SRP68: variants seen among roughly 807,000 people sequenced by gnomAD.
The protein encoded by SRP68 is signal recognition particle subunit SRP68.
In SRP68, 15 loss-of-function variants were observed where a neutral mutation model predicts 82.2. The ratio of observed to expected loss-of-function variants is 0.18; its 90% confidence interval spans 0.12 to 0.28. The LOEUF is 0.28. SRP68 is among the 10% of genes least tolerant of loss of function. The pLI is 1.00. For synonymous variants in SRP68, 261 were observed against 292.6 expected, an observed-to-expected ratio of 0.89 and a Z score of 1.10; for missense variants, 595 against 780.5, an observed-to-expected ratio of 0.76 and a Z score of 2.83.
intron 13 of SRP68, among the ~76,000 whole-genome samples, chr17:76,042,625 C>T (rs1049221427): frequency 6.6e-6 from 1 of 151,962 alleles, no homozygotes; most frequent in Non-Finnish European, 1.5e-5. Context: ...TGCTCTGTCA[C>T]TCAGGCTGGA....
intron 11 of SRP68, 117 bp downstream of exon 11, chr17:76,045,921 G>T (rs578167049): frequency 3.9e-6 from 5 of 1,269,170 alleles, no homozygotes; most frequent in African/African-American, 3.0e-5. Context: ...TCTCTTCCCA[G>T]CTACTAATAG....
At chr17:76,062,752 T>C (rs1171051746) in intron 4 of SRP68, among the ~76,000 whole-genome samples, 1 of 74,410 alleles carries the variant, frequency 1.3e-5, no homozygotes, top group Non-Finnish European at 2.3e-5. Flanking sequence ...TATATATATA[T>C]ATATATATAT....
Position 76,067,065 on chromosome 17 carries a change from A to G in SRP68, c.365+152T>C. Reference sequence around the variant, plus strand: ...TTGAACAACCTAATGTATCTCTTTGAGCCTCAGTTTCCTTGCCTTAGAACA... The same window carrying G: ...TTGAACAACCTAATGTATCTCTTTGGGCCTCAGTTTCCTTGCCTTAGAACA... On this transcript the variant is annotated intron_variant, in intron 3 of 15. Transcript: ENST00000307877. The G allele has an allele frequency of 1.6e-5, 10 of 611,024 alleles. No homozygotes were observed. The South Asian group carries it at 1.9e-4, about 11-fold the overall frequency. The allele number at this position is 611,024 out of a possible 1,614,324, so 37.9% of individuals were successfully genotyped here. A position where few individuals can be genotyped will look rare whatever the true frequency, so the allele number is the denominator to read the frequency against.
At chr17:76,040,864 G>C in intron 14 of SRP68, 39 bp downstream of exon 14, 1 of 1,589,752 alleles carries the variant, frequency 6.3e-7, no homozygotes, top group Non-Finnish European at 8.6e-7. Context: ...GTGGCAGGAA[G>C]GGAAGTCTGG....
At chr17:76,049,576 C>T (rs2066656844) in intron 9 of SRP68, 1 of 152,146 alleles carries the variant, frequency 6.6e-6, no homozygotes, top group African/African-American at 2.4e-5. Flanking sequence ...TGTACACCAG[C>T]TCAAGTCTGA....
chr17:76,050,780 G>T, intron 8 of SRP68, among the ~76,000 whole-genome samples: 1 of 128,126 alleles, frequency 7.8e-6, no homozygotes, highest in Admixed American at 9.0e-5. Flanking sequence ...CTGCATAACT[G>T]ATCTGAGACT....
rs191570774 is a variant in SRP68, at chr17:76,071,408, A to T, written c.184+900T>A. 6.6e-6 allele frequency among the ~76,000 whole-genome samples: 1 copy of T among 152,306 alleles called. No individual in the cohort carries two copies. Among genetic ancestry groups the T allele is most frequent in the East Asian group, 1.9e-4 (1 of 5,184 alleles). Reference sequence around the variant, plus strand: ...CTTCATCTATATAGGTATAGTTTTAATGTTTCCTCAACACTTCTCTAGAGA... The same window carrying T: ...CTTCATCTATATAGGTATAGTTTTATTGTTTCCTCAACACTTCTCTAGAGA... On this transcript the variant is annotated intron_variant, in intron 1 of 15. Coordinates refer to ENST00000307877, the MANE Select transcript of SRP68 (RefSeq NM_014230.4). This position sits in a 1 kb window ranked among gnomAD's most constrained non-coding sequence, Gnocchi z 4.7.
rs749076072 is a variant in SRP68, at chr17:76,046,202, GCAC to G, written c.1143-11_1143-9del. On this transcript the variant is annotated splice_polypyrimidine_tract_variant and intron_variant, in intron 10 of 15. Coordinates refer to ENST00000307877, the MANE Select transcript of SRP68 (RefSeq NM_014230.4). ...TTGATGTAAGTCAGGTAGCTGGAAT[GCAC>G]CACAAGTCAGCTCAAGTTATACTCA... 7 of 1,613,472 alleles carry G rather than the reference GCAC, an allele frequency of 4.3e-6. No individual in the cohort carries two copies. The highest frequency in any genetic ancestry group is 1.3e-5 in the African/African-American group (1 of 74,884).
At chr17:76,062,487 T>TATATATATATA (rs1443614428) in intron 4 of SRP68, among the ~76,000 whole-genome samples, 2 of 110,490 alleles carry the variant, frequency 1.8e-5, no homozygotes, top group Non-Finnish European at 1.7e-5. Context: ...AATATGGAGA[T>TATATATATATA]ATATATATAT....
chr17:76,069,012 A>T (rs574755123), intron 2 of SRP68, among the ~76,000 whole-genome samples: 11 of 148,084 alleles, frequency 7.4e-5, no homozygotes, highest in East Asian at 5.9e-4. Context: ...TAAATAAATA[A>T]ATATATATAT....
intron 8 of SRP68, among the ~76,000 whole-genome samples, chr17:76,053,943 A>G (rs1489453480): frequency 6.6e-6 from 1 of 152,218 alleles, no homozygotes; most frequent in Non-Finnish European, 1.5e-5. Context: ...TCCGCCAGCC[A>G]CTGGACCAAC....
intron 7 of SRP68, among the ~76,000 whole-genome samples, chr17:76,059,424 C>A (rs2066735087): frequency 6.6e-6 from 1 of 152,018 alleles, no homozygotes; most frequent in South Asian, 2.1e-4. Context: ...CGCCTGTAAT[C>A]CCAGCTACTT....
chr17:76,040,205 A>G (rs1839488568), intron 15 of SRP68, among the ~76,000 whole-genome samples: 1 of 152,012 alleles, frequency 6.6e-6, no homozygotes, highest in African/African-American at 2.4e-5. Flanking sequence ...CACGGGTGCT[A>G]CTCTTTACAG....
Position 76,061,554 on chromosome 17 carries a change from T to C in SRP68, c.582A>G (p.Ser194=). Residue 194 remains serine, a synonymous_variant, in exon 5 of 16, where the codon TCA becomes TCG. Transcript: ENST00000307877. The part of the protein sequence containing the change: ...LEAQAYTAYL[S]GMLRFEHQEW... ...CTTGATGTTCAAAACGTAGCATTCC[T>C]GAGAGGTAAGCTGTGTAAGCCTGTG... 6.2e-7 allele frequency: 1 copy of C among 1,614,068 alleles called. No individual in the cohort carries two copies. The highest frequency in any genetic ancestry group is 8.5e-7 in the Non-Finnish European group (1 of 1,179,932).
At chr17:76,047,722 G>A (rs1297865301) in intron 10 of SRP68, among the ~76,000 whole-genome samples, 184 bp downstream of exon 10, 1 of 151,548 alleles carries the variant, frequency 6.6e-6, no homozygotes, top group African/African-American at 2.4e-5. Context: ...CCAGGCCATT[G>A]AGGCTGCAGT....
rs560518350 is a variant in SRP68 at position 76,038,994 on chromosome 17, G to T, written c.*712C>A. The T allele has an allele frequency of 4.6e-5, 8 of 172,698 alleles. No individual in the cohort carries two copies. In the East Asian group the frequency reaches 1.2e-3, roughly 26 times the overall value. The allele number at this position is 172,698 out of a possible 1,614,324, so 10.7% of individuals were successfully genotyped here. On this transcript the variant is annotated 3_prime_UTR_variant, in exon 16 of 16. Transcript: ENST00000307877. Reference sequence around the variant, plus strand: ...GTGTATCTGGCATCAGCCTCACCTAGTTGCCGGTAAGTCAGGTTACACTTG... The same window carrying T: ...GTGTATCTGGCATCAGCCTCACCTATTTGCCGGTAAGTCAGGTTACACTTG...
intron 2 of SRP68, among the ~76,000 whole-genome samples, chr17:76,068,388 G>A (rs1325654245): frequency 1.3e-5 from 2 of 151,536 alleles, no homozygotes; most frequent in African/African-American, 4.9e-5. Flanking sequence ...CCCGGGAGGT[G>A]GAGGTTGCAG....
At position 76,060,330 on chromosome 17, in the gene SRP68, C is replaced by A; in HGVS notation, c.815G>T (p.Gly272Val). The part of the protein sequence containing the change: ...QMRLRSGGTE[G>V]LLAEKLEALI... ...TACCTCCAATTTTTCAGCCAAGAGA[C>A]CCTCAGTGCCCCCAGACCTCAATCT... Residue 272 changes from glycine to valine, a missense_variant, in exon 7 of 16, where the codon GGT becomes GTT. This residue lies in a region of SRP68 where 495 missense variants were observed against 688.6 expected (regional missense o/e 0.72). Coordinates refer to ENST00000307877, the MANE Select transcript of SRP68 (RefSeq NM_014230.4). The A allele has an allele frequency of 1.2e-6, 2 of 1,610,554 alleles. No individual in the cohort carries two copies. The highest frequency in any genetic ancestry group is 8.5e-7 in the Non-Finnish European group (1 of 1,179,152).
intron 8 of SRP68, among the ~76,000 whole-genome samples, chr17:76,056,614 G>A (rs2066715577): frequency 6.6e-6 from 1 of 152,170 alleles, no homozygotes. Flanking sequence ...TCTGGAGCAA[G>A]TTGCTGAAAT....
Sources: allele counts gnomAD v4.1 joint callset (sites outside exome capture counted in the v4.1 genomes callset), GRCh38; gene constraint gnomAD v4.1.1; regional missense constraint gnomAD v4.1.1; non-coding constraint Gnocchi (gnomAD v3.1); transcripts MANE v1.5; gene names NCBI Gene and HGNC (gene_info 2026-07-23, HGNC 2026-07-21).